Variants in GGA1 observed in about 807,000 individuals in gnomAD.
GGA1 encodes golgi associated, gamma adaptin ear containing, ARF binding protein 1.
GGA1 carries 18 observed loss-of-function variants against 76.9 expected under a neutral mutation model. That is an observed-to-expected ratio of 0.23 (90% CI 0.16 to 0.35). The LOEUF (loss-of-function observed/expected upper bound fraction) is 0.35, where lower values mean the gene tolerates loss of function less well. GGA1 is among the 10% of genes least tolerant of loss of function. The probability of loss-of-function intolerance (pLI) is 1.00; values close to 1 mark genes in which losing one functional copy is unlikely to be tolerated. For missense variants in GGA1, 755 were observed against 859.0 expected (o/e 0.88, Z 1.51); for synonymous variants, 342 against 354.7 (o/e 0.96, Z 0.40).
chr22:37,631,189 G>A, intron 14 of GGA1, 90 bp downstream of exon 14: 2 of 1,054,802 alleles, frequency 1.9e-6, no homozygotes, highest in Non-Finnish European at 2.7e-6. Flanking sequence ...GGGAAAGCAG[G>A]GCTCCCCTGG....
At chr22:37,613,412 C>T (rs1050387489) in intron 1 of GGA1, among the ~76,000 whole-genome samples, 6 of 151,734 alleles carry the variant, frequency 4.0e-5, no homozygotes, top group East Asian at 1.9e-4. Flanking sequence ...TTGTTTGAGA[C>T]GGAGTCACCC....
In GGA1 at chr22:37,632,665, G is replaced by A. The variant is rs1426379576; in HGVS notation, c.1874G>A (p.Gly625Glu). The A allele has an allele frequency of 6.2e-7, 1 of 1,613,214 alleles. No individual in the cohort carries two copies. Among genetic ancestry groups the A allele is most frequent in the Non-Finnish European group, 8.5e-7 (1 of 1,179,408 alleles). Reference protein sequence around the residue: ...TMGDQTYNEMGDVDQFPPPET... With the variant: ...TMGDQTYNEMEDVDQFPPPET... ...GGTGACCAGACCTACAACGAGATGG[G>A]GGATGTGGACCAGTTCCCCCCACCT... is the stretch of plus-strand genomic sequence containing the variant. Residue 625 changes from glycine (G) to glutamate (E), a missense_variant, in exon 17 of 17, where the codon GGG becomes GAG. Physicochemically the swap from Gly to Glu is moderately conservative, Grantham distance 98 (BLOSUM62 -2). Coordinates refer to ENST00000343632, the MANE Select transcript of GGA1 (RefSeq NM_013365.5). The surrounding 1 kb of genome is among the most constrained non-coding windows in gnomAD (Gnocchi z 5.1).
At chr22:37,611,072 A>C (rs1346196470) in intron 1 of GGA1, among the ~76,000 whole-genome samples, 2 of 152,168 alleles carry the variant, frequency 1.3e-5, no homozygotes, top group Admixed American at 1.3e-4. Flanking sequence ...GCTGGGTGTC[A>C]TTGAATGGGC....
chr22:37,626,055 C>T, intron 11 of GGA1, 106 bp downstream of exon 11: 1 of 831,620 alleles, frequency 1.2e-6, no homozygotes, highest in Non-Finnish European at 1.8e-6. Context: ...GGTGTGGATC[C>T]TGTGGGGCAC....
rs1930409577 is a variant in GGA1, at chr22:37,624,246, C to T, written c.832+613C>T. 2 of 159,080 alleles carry T rather than the reference C, an allele frequency of 1.3e-5. No individual in the cohort carries two copies. The highest frequency in any genetic ancestry group is 1.7e-4 in the South Asian group (1 of 6,018). 9.9% of individuals were successfully genotyped at this position (159,080 alleles called of 1,614,324 possible). On this transcript the variant is annotated intron_variant, in intron 9 of 16. Transcript: ENST00000343632. This position sits in a 1 kb window ranked among gnomAD's most constrained non-coding sequence, Gnocchi z 4.3. ...TGGCACCTGGGGAAGGCAGTGTTGC[C>T]GAGGGCCTGATTGGTGCCAGGCACT... is the stretch of plus-strand genomic sequence containing the variant.
intron 14 of GGA1, 89 bp downstream of exon 14, chr22:37,631,188 G>C: frequency 9.1e-7 from 1 of 1,103,320 alleles, no homozygotes; most frequent in Non-Finnish European, 1.3e-6. Context: ...TGGGAAAGCA[G>C]GGCTCCCCTG....
At position 37,624,809 on chromosome 22, in the gene GGA1, T is replaced by G. The variant is rs576452464; in HGVS notation, c.833-160T>G. On this transcript the variant is annotated intron_variant, in intron 9 of 16. Coordinates refer to ENST00000343632, the MANE Select transcript of GGA1 (RefSeq NM_013365.5). The surrounding 1 kb of genome is among the most constrained non-coding windows in gnomAD (Gnocchi z 4.3). The stretch of plus-strand genomic sequence containing the variant: ...AGGGTGGGAGGTGAGACCAGGGAGG[T>G]GGCGGAGGGCCAGAGTCTCAGCAGA... The G allele has an allele frequency of 1.1e-6, 1 of 938,992 alleles. No homozygotes were observed. Among genetic ancestry groups the G allele is most frequent in the Non-Finnish European group, 1.6e-6 (1 of 642,080 alleles). The allele number at this position is 938,992 out of a possible 1,614,324, so 58.2% of individuals were successfully genotyped here. A position where few individuals can be genotyped will look rare whatever the true frequency, so the allele number is the denominator to read the frequency against.
chr22:37,632,607 G>A lies in GGA1; in HGVS notation c.1816G>A (p.Val606Ile). 1 of 1,611,788 alleles carries A rather than the reference G, an allele frequency of 6.2e-7. No homozygotes were observed. The highest frequency in any genetic ancestry group is 2.2e-5 in the East Asian group (1 of 44,872). Residue 606 changes from valine (V) to isoleucine (I), a missense_variant, in exon 17 of 17, where the codon GTT (valine) becomes ATT (isoleucine). Transcript: ENST00000343632. This position sits in a 1 kb window ranked among gnomAD's most constrained non-coding sequence, Gnocchi z 5.1. ...LLLANPQKEK[V>I]RLRYKLTFTM... ...TTTGCCATCTCTTCCCCAGGAGAAG[G>A]TTCGCCTCCGCTACAAGCTCACCTT...
intron 13 of GGA1, 160 bp from the exon 14 acceptor site, chr22:37,630,743 T>C (rs1209061643): frequency 3.4e-6 from 2 of 592,726 alleles, no homozygotes; most frequent in Admixed American, 3.3e-5. Context: ...GTTTTTTGTA[T>C]TTTTTATACA....
rs143048877 is a variant in GGA1, at chr22:37,623,361, T to C, written c.644T>C (p.Val215Ala). ...QKRMEKISKR[V>A]NAIEEVNNNV... ...CGGATGGAGAAGATCTCGAAGAGGG[T>C]GAATGCCATCGAGGAGGTGAACAAC... The change falls in exon 8 of 17, where the codon GTG (valine) becomes GCG (alanine). Residue 215 changes from valine to alanine, a missense_variant. Transcript: ENST00000343632. The surrounding 1 kb of genome is among the most constrained non-coding windows in gnomAD (Gnocchi z 4.6). 7.4e-5 allele frequency: 119 copies of C among 1,613,828 alleles called. No homozygotes were observed. The African/African-American group carries it at 1.5e-3, about 21-fold the overall frequency.
chr22:37,613,453 G>T (rs1462626894), intron 1 of GGA1, among the ~76,000 whole-genome samples: 4 of 151,792 alleles, frequency 2.6e-5, no homozygotes, highest in Non-Finnish European at 5.9e-5. Context: ...CAGGCTGGAG[G>T]GCAGTGGCGA....
intron 1 of GGA1, among the ~76,000 whole-genome samples, chr22:37,611,622 A>G (rs1353867550): frequency 1.3e-5 from 2 of 152,310 alleles, no homozygotes; most frequent in Admixed American, 6.5e-5. Context: ...GCCCCCTGCC[A>G]TAACATATGG....
At position 37,621,626 on chromosome 22, in the gene GGA1, G is replaced by A. The variant is rs1929912091; in HGVS notation, c.539G>A (p.Arg180His). ...CCTCTGTCTCTGCAGATGCTGGCCCGCCTGCTGAAGAGCTCCCATCCCGAA... is the reference window on the plus strand; with the variant it reads ...CCTCTGTCTCTGCAGATGCTGGCCCACCTGCTGAAGAGCTCCCATCCCGAA... ...EDEEKSKMLA[R>H]LLKSSHPEDL... Residue 180 changes from arginine (R) to histidine (H), a missense_variant, in exon 7 of 17, where the codon CGC becomes CAC. Physicochemically the swap from Arg to His is conservative, Grantham distance 29 (BLOSUM62 0). Coordinates refer to ENST00000343632, the MANE Select transcript of GGA1 (RefSeq NM_013365.5). The A allele has an allele frequency of 1.7e-5, 27 of 1,551,890 alleles. No homozygotes were observed. The highest frequency in any genetic ancestry group is 1.7e-4 in the Middle Eastern group (1 of 5,902).
chr22:37,619,950 C>A, intron 4 of GGA1: 1 of 655,006 alleles, frequency 1.5e-6, no homozygotes, highest in East Asian at 2.7e-5. Context: ...GGCTAAGTCC[C>A]CAGAGCCGAC....
At chr22:37,615,669 CAGG>C (rs1928636297) in intron 2 of GGA1, among the ~76,000 whole-genome samples, 1 of 150,738 alleles carries the variant, frequency 6.6e-6, no homozygotes, top group Admixed American at 6.6e-5. Context: ...GAGGCTGAGG[CAGG>C]AGAATCGCTT....
intron 1 of GGA1, among the ~76,000 whole-genome samples, chr22:37,609,646 C>T (rs1004371723): frequency 1.3e-5 from 2 of 152,106 alleles, no homozygotes; most frequent in African/African-American, 4.8e-5. Context: ...CTTCCTATTG[C>T]TTAGGCTTCC....
chr22:37,632,139 A>G lies in GGA1; in HGVS notation c.1672A>G (p.Ile558Val). 2.5e-6 allele frequency: 4 copies of G among 1,613,218 alleles called. No homozygotes were observed. The highest frequency in any genetic ancestry group is 3.4e-6 in the Non-Finnish European group (4 of 1,179,560). Residue 558 changes from isoleucine (I) to valine (V), a missense_variant, in exon 15 of 17, where the codon ATC becomes GTC. Ile to Val is a conservative substitution (Grantham distance 29). Transcript: ENST00000343632. The surrounding 1 kb of genome is among the most constrained non-coding windows in gnomAD (Gnocchi z 5.1). ...LSTAPQPIRN[I>V]VFQSAVPKVM... ...CACCGCCCCCCAGCCCATCCGCAAC[A>G]TCGTGTTCCAGTCAGCTGTCCCCAA...
At position 37,628,357 on chromosome 22, in the gene GGA1, C is replaced by G. The variant is rs145737998; in HGVS notation, c.1094-1105C>G. 1.4e-4 allele frequency among the ~76,000 whole-genome samples: 21 copies of G among 152,302 alleles called. No individual in the cohort carries two copies. In the East Asian group the frequency reaches 4.1e-3, roughly 29 times the overall value. ...GGATTACAGACATTAGCCACTGCAC[C>G]TGGCTGGTGTCTCCATTTTACAGAT... On this transcript the variant is annotated intron_variant, in intron 11 of 16. Coordinates refer to ENST00000343632, the MANE Select transcript of GGA1 (RefSeq NM_013365.5).
At position 37,632,975 on chromosome 22, in the gene GGA1, T is replaced by C; in HGVS notation, c.*264T>C. The C allele has an allele frequency of 2.0e-6, 1 of 493,578 alleles. No homozygotes were observed. Among genetic ancestry groups the C allele is most frequent in the Non-Finnish European group, 3.7e-6 (1 of 271,466 alleles). 30.6% of individuals were successfully genotyped at this position (493,578 alleles called of 1,614,324 possible). A position where few individuals can be genotyped will look rare whatever the true frequency, so the allele number is the denominator to read the frequency against. ...CACCGGGACCTGGAGAGGGAGGGGC[T>C]GTGTAGCCTTGGAAGAACTTGGGTC... On this transcript the variant is annotated 3_prime_UTR_variant, in exon 17 of 17. Coordinates refer to ENST00000343632, the MANE Select transcript of GGA1 (RefSeq NM_013365.5). This position sits in a 1 kb window ranked among gnomAD's most constrained non-coding sequence, Gnocchi z 5.1.
Sources: allele counts gnomAD v4.1 joint callset (sites outside exome capture counted in the v4.1 genomes callset), GRCh38; gene constraint gnomAD v4.1.1; non-coding constraint Gnocchi (gnomAD v3.1); transcripts MANE v1.5; gene names NCBI Gene and HGNC (gene_info 2026-07-23, HGNC 2026-07-21).